POGLUT2: variants seen among roughly 807,000 people sequenced by gnomAD.
POGLUT2 encodes ER protein 58.
A neutral mutation model predicts 57.6 loss-of-function variants in POGLUT2; 47 were observed. The ratio of observed to expected loss-of-function variants is 0.82; its 90% CI spans 0.65 to 1.04. The LOEUF is 1.04. Ranked by LOEUF, POGLUT2 falls within the 50% of genes least tolerant of loss-of-function variation. The pLI is 0.00. For missense variants in POGLUT2, 565 were observed against 614.8 expected, an observed-to-expected ratio of 0.92 and a Z score of 0.86; for synonymous variants, 200 against 218.8, an observed-to-expected ratio of 0.91 and a Z score of 0.76.
rs1566436721 is a variant in POGLUT2 at position 102,790,960 on chromosome 13, G to T, written c.1024C>A (p.His342Asn). ...ATGGGACCATACAGGTTTTCATCGTGTTTAAAGAAGAAAAAGTTGGTGAAA... is the reference window on the plus strand; with the variant it reads ...ATGGGACCATACAGGTTTTCATCGTTTTTAAAGAAGAAAAAGTTGGTGAAA... ...AAFTNFFFFK[H>N]DENLYGPIVK... Residue 342 changes from histidine to asparagine, a missense_variant, in exon 6 of 10, where the codon CAC becomes AAC. By Grantham distance (68) the His-to-Asn change is moderately conservative. Coordinates refer to ENST00000376004, the MANE Select transcript of POGLUT2 (RefSeq NM_024089.3). 1 of 1,613,962 alleles carries T rather than the reference G, an allele frequency of 6.2e-7. No homozygotes were observed. The highest frequency in any genetic ancestry group is 1.6e-4 in the Middle Eastern group (1 of 6,062).
intron 2 of POGLUT2, among the ~76,000 whole-genome samples, chr13:102,795,077 C>A (rs1370837756): frequency 1.3e-5 from 2 of 150,418 alleles, no homozygotes; most frequent in African/African-American, 4.9e-5. Context: ...CATGGTGAAA[C>A]CCCGTCTCTA....
intron 2 of POGLUT2, 110 bp downstream of exon 2, chr13:102,796,694 A>AT (rs1402198173): frequency 0.017 from 2,559 of 154,602 alleles, 30 homozygotes; most frequent in South Asian, 0.02. Flanking sequence ...AAAAAAAAAA[A>AT]AAAAAATATA....
At chr13:102,793,913 A>G in intron 2 of POGLUT2, 107 bp from the exon 3 acceptor site, 1 of 938,666 alleles carries the variant, frequency 1.1e-6, no homozygotes, top group East Asian at 2.5e-5. Flanking sequence ...TTAGTTACAT[A>G]GGAAGAGCAT....
At chr13:102,797,701 C>A (rs115212093) in intron 1 of POGLUT2, among the ~76,000 whole-genome samples, 1 of 151,792 alleles carries the variant, frequency 6.6e-6, no homozygotes, top group African/African-American at 2.4e-5. Context: ...GTGATTGCAC[C>A]ACTGCACTCC....
chr13:102,794,665 C>G (rs750005078), intron 2 of POGLUT2, among the ~76,000 whole-genome samples: 1 of 151,792 alleles, frequency 6.6e-6, no homozygotes, highest in Non-Finnish European at 1.5e-5. Flanking sequence ...ACTCTTGTTT[C>G]AAAAAATAAA....
Position 102,790,936 on chromosome 13 carries a change from T to C in POGLUT2, c.1048A>G (p.Ile350Val), listed in dbSNP as rs181733080. 26 of 1,612,062 alleles carry C rather than the reference T, an allele frequency of 1.6e-5. No homozygotes were observed. In the African/African-American group the frequency reaches 3.3e-4, roughly 21 times the overall value. Residue 350 changes from isoleucine (I) to valine (V), a missense_variant, in exon 6 of 10, where the codon ATT becomes GTT. Coordinates refer to ENST00000376004, the MANE Select transcript of POGLUT2 (RefSeq NM_024089.3). ...TCAAAAAATGAAATATGTTTCACAA[T>C]GGGACCATACAGGTTTTCATCGTGT... ...FKHDENLYGP[I>V]VKHISFFDFF...
In POGLUT2 at chr13:102,790,779, G is replaced by A. The variant is rs573464612; in HGVS notation, c.1083+122C>T. The A allele has an allele frequency of 1.5e-4, 105 of 694,856 alleles. 1 individual carries two copies. The highest frequency in any genetic ancestry group is 6.0e-4 in the Admixed American group (24 of 39,878). The allele number at this position is 694,856 out of a possible 1,614,324, so 43.0% of individuals were successfully genotyped here. On this transcript the variant is annotated intron_variant, in intron 6 of 9. Transcript: ENST00000376004. The stretch of plus-strand genomic sequence containing the variant: ...CCAGCACCCCCATGTCTCAATATTC[G>A]CTCAATTTTGTGCTAACTTCTCCCA...
chr13:102,795,670 C>G (rs2139101952), intron 2 of POGLUT2, among the ~76,000 whole-genome samples: 1 of 152,184 alleles, frequency 6.6e-6, no homozygotes, highest in South Asian at 2.1e-4. Flanking sequence ...ACTGTTATTC[C>G]TTTTTATAAT....
intron 2 of POGLUT2, 67 bp downstream of exon 2, chr13:102,796,737 T>C (rs1476589707): frequency 3.0e-6 from 2 of 668,702 alleles, no homozygotes; most frequent in African/African-American, 3.8e-5. Flanking sequence ...CAAGTTGTTT[T>C]TGTTGATGGA....
At chr13:102,786,374 A>G (rs773905961) in intron 8 of POGLUT2, 35 bp from the exon 9 acceptor site, 2 of 1,330,846 alleles carry the variant, frequency 1.5e-6, no homozygotes, top group Non-Finnish European at 2.2e-6. Context: ...ATTCCTTATA[A>G]AACACTTTAT....
intron 2 of POGLUT2, 64 bp from the exon 3 acceptor site, chr13:102,793,870 T>C: frequency 1.5e-6 from 2 of 1,354,272 alleles, no homozygotes. Flanking sequence ...AAACTTGTAA[T>C]AAACATCTAT....
Position 102,791,397 on chromosome 13 carries a change from A to C in POGLUT2, c.706T>G (p.Leu236Val). 1 of 1,603,422 alleles carries C rather than the reference A, an allele frequency of 6.2e-7. No homozygotes were observed. The highest frequency in any genetic ancestry group is 8.5e-7 in the Non-Finnish European group (1 of 1,177,442). The change falls in exon 5 of 10, where the codon TTG becomes GTG. Residue 236 changes from leucine (L) to valine (V), a missense_variant. By Grantham distance (32) the Leu-to-Val change is conservative (BLOSUM62 1). Coordinates refer to ENST00000376004, the MANE Select transcript of POGLUT2 (RefSeq NM_024089.3). ...KMPDVELFVN[L>V]GDWPLEKKKS... ...TTTTTTTCCAAAGGCCAGTCTCCCA[A>C]ATTAACAAAGAGCTCCACATCTGGC...
intron 9 of POGLUT2, among the ~76,000 whole-genome samples, chr13:102,785,112 G>A (rs1877887802): frequency 2.0e-5 from 3 of 152,164 alleles, no homozygotes; most frequent in Non-Finnish European, 2.9e-5. Flanking sequence ...AGTGGTTAAT[G>A]AGTTCTATAA....
intron 7 of POGLUT2, among the ~76,000 whole-genome samples, chr13:102,788,507 A>T (rs1878040725): frequency 6.6e-6 from 1 of 152,100 alleles, no homozygotes; most frequent in African/African-American, 2.4e-5. Context: ...GTTGTTTGAG[A>T]CGGAGTTTTG....
rs769117086 is a variant in POGLUT2 at position 102,789,141 on chromosome 13, C to T, written c.1164G>A (p.Leu388=). Residue 388 remains leucine (L), a synonymous_variant, in exon 7 of 10, where the codon CTG becomes CTA. Transcript: ENST00000376004. Reference sequence around the variant, plus strand: ...GTTCATAGTAGATGGAATCCTGCTTCAGCACAACACTGTCACCAACTAGCA... The same window carrying T: ...GTTCATAGTAGATGGAATCCTGCTTTAGCACAACACTGTCACCAACTAGCA... ...PYLLVGDSVV[L]KQDSIYYEHF... is the part of the protein sequence containing the mutation. 3 of 1,614,180 alleles carry T rather than the reference C, an allele frequency of 1.9e-6. No homozygotes were observed. Among genetic ancestry groups the T allele is most frequent in the East Asian group, 2.2e-5 (1 of 44,882 alleles).
chr13:102,796,302 A>T (rs1878378616), intron 2 of POGLUT2, among the ~76,000 whole-genome samples: 1 of 139,328 alleles, frequency 7.2e-6, no homozygotes, highest in Non-Finnish European at 1.5e-5. Context: ...TCAAAAAAAA[A>T]AAAAAAAAAA....
intron 4 of POGLUT2, 132 bp downstream of exon 4, chr13:102,793,209 G>A: frequency 1.7e-6 from 1 of 571,778 alleles, no homozygotes; most frequent in Non-Finnish European, 3.1e-6. Flanking sequence ...ATAACAGAAA[G>A]CTTCAGAATA....
chr13:102,791,406 A>G lies in POGLUT2; in HGVS notation c.697T>C (p.Phe233Leu). ...AAAGGCCAGTCTCCCAAATTAACAAAGAGCTCCACATCTGGCATCTTCACC... is the reference window on the plus strand; with the variant it reads ...AAAGGCCAGTCTCCCAAATTAACAAGGAGCTCCACATCTGGCATCTTCACC... ...RKVKMPDVEL[F>L]VNLGDWPLEK... Residue 233 changes from phenylalanine (F) to leucine (L), a missense_variant, in exon 5 of 10, where the codon TTT becomes CTT. Physicochemically the swap from Phe to Leu is conservative, Grantham distance 22. Coordinates refer to ENST00000376004, the MANE Select transcript of POGLUT2 (RefSeq NM_024089.3). The G allele has an allele frequency of 1.3e-6, 2 of 1,598,838 alleles. No homozygotes were observed. Among genetic ancestry groups the G allele is most frequent in the Non-Finnish European group, 1.7e-6 (2 of 1,176,164 alleles).
chr13:102,793,340 C>A lies in POGLUT2; in HGVS notation c.672+1G>T, dbSNP rs1427255397. On this transcript the variant is annotated splice_donor_variant, in intron 4 of 9. Coordinates refer to ENST00000376004, the MANE Select transcript of POGLUT2 (RefSeq NM_024089.3). LOFTEE classifies it high-confidence loss of function. ...ACAGCTAAGAGAAAATATATACTTA[C>A]CTTTCTAGTCAAAGAAAGTAGTATG... The A allele has an allele frequency of 3.4e-6, 5 of 1,471,566 alleles. No individual in the cohort carries two copies. The South Asian group carries it at 5.7e-5, about 17-fold the overall frequency. 91.2% of individuals were successfully genotyped at this position (1,471,566 alleles called of 1,614,324 possible). A position where few individuals can be genotyped will look rare whatever the true frequency, so the allele number is the denominator to read the frequency against.
Sources: gnomAD v4.1 joint callset for allele counts (sites outside exome capture counted in the v4.1 genomes callset) on GRCh38, gnomAD v4.1.1 for gene constraint, MANE v1.5 for transcripts, NCBI Gene and HGNC (gene_info 2026-07-23, HGNC 2026-07-21) for gene names.